Variants in ANKFN1 observed in about 807,000 individuals in gnomAD.
The protein encoded by ANKFN1 is ankyrin repeat and fibronectin type III domain containing 1, also known as ankyrin repeat and fibronectin type-III domain-containing protein 1.
ANKFN1 carries 74 observed loss-of-function variants against 108.7 expected under a neutral mutation model. The ratio of observed to expected loss-of-function variants is 0.68; its 90% CI spans 0.56 to 0.83. The LOEUF (loss-of-function observed/expected upper bound fraction) is 0.83, where lower values mean the gene tolerates loss of function less well. Among genes scored for constraint, ANKFN1 ranks in the 40% least tolerant of loss-of-function variants. ANKFN1 has a pLI of 0.00. For synonymous variants in ANKFN1, 547 were observed against 516.2 expected (o/e 1.06, Z -0.81); for missense variants, 1,505 against 1,382.3 (o/e 1.09, Z -1.41).
In ANKFN1 at chr17:56,514,422, G is replaced by C. The variant is rs2051857464; in HGVS notation, c.*3153G>C. Among the ~76,000 whole-genome samples the C allele has an allele frequency of 6.6e-6, 1 of 152,228 alleles. No homozygotes were observed. Among genetic ancestry groups the C allele is most frequent in the Admixed American group, 6.5e-5 (1 of 15,284 alleles). On this transcript the variant is annotated 3_prime_UTR_variant, in exon 21 of 21. Coordinates refer to ENST00000682825, the MANE Select transcript of ANKFN1 (RefSeq NM_001370326.1). ...CCTCAGCCAGGCAGACATAGTGCAT[G>C]TTGGGCTACATCTTTGATTTCTTCT...
intron 11 of ANKFN1, among the ~76,000 whole-genome samples, chr17:56,453,920 A>G (rs556282676): frequency 6.6e-6 from 1 of 151,990 alleles, no homozygotes; most frequent in South Asian, 2.1e-4. Flanking sequence ...GGAAGGTTTT[A>G]AGTTTTCTTT....
chr17:56,411,412 A>C (rs910316773), intron 8 of ANKFN1, among the ~76,000 whole-genome samples: 1 of 152,152 alleles, frequency 6.6e-6, no homozygotes. Context: ...AAGATTTTCT[A>C]TATGTAAGAT....
chr17:56,349,446 T>G (rs2144662876), intron 4 of ANKFN1, among the ~76,000 whole-genome samples: 1 of 152,108 alleles, frequency 6.6e-6, no homozygotes, highest in South Asian at 2.1e-4. Flanking sequence ...GAATCTCCAT[T>G]TCTTAAAGTC....
At chr17:56,402,557 G>C (rs1402871890) in intron 8 of ANKFN1, among the ~76,000 whole-genome samples, 1 of 151,700 alleles carries the variant, frequency 6.6e-6, no homozygotes. Context: ...TTTCTTAGTG[G>C]GGTTATTTGG....
chr17:56,138,510 T>C lies in ANKFN1; in HGVS notation c.289-89407T>C, dbSNP rs1567800415. On this transcript the variant is annotated intron_variant, in intron 4 of 12. Coordinates refer to the ANKFN1 transcript ENST00000635860. ...AGAAAACTCAACATTTTTTTTTCTTTTCTTTTTTTTTTTTTTTGAGACAGA... is the reference window on the plus strand; with the variant it reads ...AGAAAACTCAACATTTTTTTTTCTTCTCTTTTTTTTTTTTTTTGAGACAGA... 3.7e-5 allele frequency among the ~76,000 whole-genome samples: 5 copies of C among 136,498 alleles called. No homozygotes were observed. The East Asian group carries it at 9.6e-4, about 26-fold the overall frequency. The allele number at this position is 136,498 out of a possible 152,430, so 89.5% of individuals were successfully genotyped here.
At chr17:56,427,033 C>A (rs373024472) in intron 8 of ANKFN1, among the ~76,000 whole-genome samples, 1 of 152,270 alleles carries the variant, frequency 6.6e-6, no homozygotes, top group East Asian at 1.9e-4. Context: ...GAAAAAAGCC[C>A]AAAATAGCAC....
Position 56,456,081 on chromosome 17 carries a change from T to G in ANKFN1, c.1208-780T>G, listed in dbSNP as rs371134459. 2.0e-4 allele frequency among the ~76,000 whole-genome samples: 31 copies of G among 152,346 alleles called. 1 individual carries two copies. The highest frequency in any genetic ancestry group is 7.5e-4 in the African/African-American group (31 of 41,568). On this transcript the variant is annotated intron_variant, in intron 11 of 20. Transcript: ENST00000682825. ...CTCTTTTTTTTCTATTCTCCAGACT[T>G]TCTGTAATGTGCTTACATTAATTTT...
intron 15 of ANKFN1, among the ~76,000 whole-genome samples, chr17:56,467,739 GAAAC>G (rs56016749): frequency 0.017 from 1,674 of 96,716 alleles, 46 homozygotes; most frequent in African/African-American, 0.069. Context: ...GAGAAAGAAA[GAAAC>G]AAAGAAAGAA....
At chr17:56,390,981 A>T (rs1226997067) in intron 8 of ANKFN1, among the ~76,000 whole-genome samples, 2 of 151,772 alleles carry the variant, frequency 1.3e-5, no homozygotes, top group South Asian at 4.2e-4. Context: ...AAGTTTAAAC[A>T]GATTTCTTTA....
At chr17:56,095,394 C>G (rs538019281) in intron 4 of ANKFN1, among the ~76,000 whole-genome samples, 1 of 150,660 alleles carries the variant, frequency 6.6e-6, no homozygotes, top group Non-Finnish European at 1.5e-5. Context: ...TAGGCTCAAT[C>G]AATCCTCCTA....
intron 4 of ANKFN1, among the ~76,000 whole-genome samples, chr17:56,078,785 G>A (rs1377713792): frequency 6.6e-6 from 1 of 152,198 alleles, no homozygotes; most frequent in East Asian, 1.9e-4. Context: ...CTCTCCAGAA[G>A]CTGTGTGGGA....
chr17:56,188,581 G>GTGTGTATATATATATATATATA (rs1212242378), intron 1 of ANKFN1, among the ~76,000 whole-genome samples: 3 of 49,652 alleles, frequency 6.0e-5, no homozygotes, highest in East Asian at 7.4e-4. Context: ...GTGTGTGTGT[G>GTGTGTATATATATATATATATA]TATATATATA....
Position 56,482,490 on chromosome 17 carries a change from G to A in ANKFN1, c.2226G>A (p.Gly742=). 6.2e-7 allele frequency: 1 copy of A among 1,612,950 alleles called. No homozygotes were observed. Among genetic ancestry groups the A allele is most frequent in the South Asian group, 1.1e-5 (1 of 90,780 alleles). ...GQNNPYTPHS[G]FLNLPLQMFE... ...ATAATCCTTACACCCCACACTCAGGGTTTCTTAACCTCCCTCTTCAGATGT... is the reference window on the plus strand; with the variant it reads ...ATAATCCTTACACCCCACACTCAGGATTTCTTAACCTCCCTCTTCAGATGT... Residue 742 remains glycine (G), a synonymous_variant, in exon 18 of 21, where the codon GGG becomes GGA. Coordinates refer to ENST00000682825, the MANE Select transcript of ANKFN1 (RefSeq NM_001370326.1).
Position 56,511,317 on chromosome 17 carries a change from T to TTA in ANKFN1, c.*49_*50dup. The TTA allele has an allele frequency of 6.8e-7, 1 of 1,460,454 alleles. No individual in the cohort carries two copies. Among genetic ancestry groups the TTA allele is most frequent in the Non-Finnish European group, 9.1e-7 (1 of 1,101,876 alleles). 90.5% of individuals were successfully genotyped at this position (1,460,454 alleles called of 1,614,324 possible). On this transcript the variant is annotated 3_prime_UTR_variant, in exon 21 of 21. Transcript: ENST00000682825. ...CCCCTCCATGGCTGCTACCTGCGTT[T>TTA]TACATCACCCTTACCCCCATCCTGC...
chr17:56,491,462 C>A (rs2051036675), intron 18 of ANKFN1, among the ~76,000 whole-genome samples: 1 of 152,188 alleles, frequency 6.6e-6, no homozygotes, highest in South Asian at 2.1e-4. Flanking sequence ...CAGGCTCAAT[C>A]CTACACTGCT....
intron 6 of ANKFN1, among the ~76,000 whole-genome samples, chr17:56,358,478 A>G (rs1190606793): frequency 6.6e-6 from 1 of 152,196 alleles, no homozygotes; most frequent in East Asian, 1.9e-4. Context: ...AGAAGCAGCC[A>G]TCTAAACTTG....
intron 18 of ANKFN1, among the ~76,000 whole-genome samples, chr17:56,491,420 C>T (rs914382274): frequency 5.3e-5 from 8 of 152,158 alleles, no homozygotes; most frequent in African/African-American, 1.9e-4. Flanking sequence ...CAGAGAAGTA[C>T]AGGAAATCTG....
rs1168371753 is a variant in ANKFN1, at chr17:56,511,093, C to A, written c.3265C>A (p.Arg1089Ser). ...SLQDARPSVR[R>S]LYVEPYAAAV... is the part of the protein sequence containing the mutation. ...CCAGGACGCGAGGCCTTCCGTCCGC[C>A]GCCTCTACGTGGAGCCCTACGCAGC... Residue 1089 changes from arginine to serine, a missense_variant, in exon 21 of 21, where the codon CGC becomes AGC. Transcript: ENST00000682825. The A allele has an allele frequency of 6.5e-7, 1 of 1,535,860 alleles. No homozygotes were observed. Among genetic ancestry groups the A allele is most frequent in the East Asian group, 2.4e-5 (1 of 40,896 alleles).
chr17:56,174,080 A>G, intron 1 of ANKFN1: 3 of 738,028 alleles, frequency 4.1e-6, no homozygotes, highest in Non-Finnish European at 5.0e-6. Flanking sequence ...ATCAGGTGCC[A>G]TTGCTGCCTT....
Sources: gnomAD v4.1 joint callset for allele counts (sites outside exome capture counted in the v4.1 genomes callset) on GRCh38, gnomAD v4.1.1 for gene constraint, MANE v1.5 for transcripts, NCBI Gene and HGNC (gene_info 2026-07-23, HGNC 2026-07-21) for gene names.